The following BDH1 variants were observed in gnomAD, a reference collection of about 807,000 sequenced individuals.
BDH1 encodes D-beta-hydroxybutyrate dehydrogenase, mitochondrial.
A neutral mutation model predicts 33.1 loss-of-function variants in BDH1; 30 were observed. The observed-to-expected ratio is 0.91, with a 90% CI of 0.68 to 1.23. The LOEUF is 1.23. Ranked by LOEUF, BDH1 falls within the 50% of genes most tolerant of loss-of-function variation. The probability of loss-of-function intolerance (pLI) is 0.00; values close to 1 mark genes in which losing one functional copy is unlikely to be tolerated. For missense variants in BDH1, 443 were observed against 464.4 expected (o/e 0.95, Z 0.42); for synonymous variants, 190 against 183.6 (o/e 1.03, Z -0.28).
At chr3:197,557,882 T>C (rs962710924), upstream of BDH1, among the ~76,000 whole-genome samples, 1 of 152,220 alleles carries the variant, frequency 6.6e-6, no homozygotes, top group South Asian at 2.1e-4. This position sits in a 1 kb window ranked among gnomAD's most constrained non-coding sequence, Gnocchi z 4.6. Flanking sequence ...GTTTCACAGA[T>C]AGACTCAAGC....
chr3:197,520,804 A>C lies in BDH1; in HGVS notation c.409+1836T>G, dbSNP rs1250453764. Among the ~76,000 whole-genome samples the C allele has an allele frequency of 6.6e-6, 1 of 152,158 alleles. No homozygotes were observed. The highest frequency in any genetic ancestry group is 1.5e-5 in the Non-Finnish European group (1 of 68,018). On this transcript the variant is annotated intron_variant, in intron 6 of 7. Coordinates refer to ENST00000392379, the MANE Select transcript of BDH1 (RefSeq NM_203314.3). This position sits in a 1 kb window ranked among gnomAD's most constrained non-coding sequence, Gnocchi z 6.0. ...AGCAGGCTGCAGGTTCTGAGCCGGTAATCACCCCAGCGGGACCCATCCTGC... is the reference window on the plus strand; with the variant it reads ...AGCAGGCTGCAGGTTCTGAGCCGGTCATCACCCCAGCGGGACCCATCCTGC...
At chr3:197,545,819 T>C (rs1451188049) in intron 3 of BDH1, among the ~76,000 whole-genome samples, 1 of 152,268 alleles carries the variant, frequency 6.6e-6, no homozygotes, top group Non-Finnish European at 1.5e-5. Context: ...AGTCCAAAGT[T>C]ATTTCAAAAT....
At chr3:197,552,897 G>A (rs1326267928) in intron 2 of BDH1, among the ~76,000 whole-genome samples, 1 of 152,114 alleles carries the variant, frequency 6.6e-6, no homozygotes, top group Non-Finnish European at 1.5e-5. Context: ...GCAGTGCCCT[G>A]CACACAACAG....
upstream of BDH1, among the ~76,000 whole-genome samples, chr3:197,558,891 A>G (rs1272192700): frequency 2.0e-5 from 3 of 152,146 alleles, no homozygotes; most frequent in African/African-American, 7.2e-5. Flanking sequence ...TCTCCATTGT[A>G]TTAGTCAAGC....
intron 6 of BDH1, chr3:197,515,848 G>A (rs1712650459): frequency 7.8e-6 from 3 of 383,192 alleles, no homozygotes; most frequent in Non-Finnish European, 1.1e-5. Flanking sequence ...AGGTTGCAAT[G>A]AGCCGGATCA....
rs1560296787 is a variant in BDH1, at chr3:197,510,674, A to AGTGTGTGTG, written c.*1220_*1221insCACACACAC. The AGTGTGTGTG allele has an allele frequency of 1.3e-4, 5 of 37,292 alleles. No individual in the cohort carries two copies. The highest frequency in any genetic ancestry group is 1.8e-4 in the African/African-American group (2 of 11,116). The allele number at this position is 37,292 out of a possible 1,614,324, so 2.3% of individuals were successfully genotyped here. On this transcript the variant is annotated 3_prime_UTR_variant, in exon 8 of 8. Transcript: ENST00000392379. ...TGTGTGTGTGTGTGTGTGTGTGTAC[A>AGTGTGTGTG]TGTGTGTAAGGTGTGTGTGTGTGTG... is the stretch of plus-strand genomic sequence containing the variant.
intron 1 of BDH1, among the ~76,000 whole-genome samples, chr3:197,567,201 G>T (rs1443147396): frequency 1.3e-5 from 2 of 152,122 alleles, no homozygotes; most frequent in East Asian, 3.9e-4. Flanking sequence ...CTGGGACGAG[G>T]GACTCATTTT....
chr3:197,531,497 A>G (rs1714660498), intron 5 of BDH1, among the ~76,000 whole-genome samples: 1 of 150,160 alleles, frequency 6.7e-6, no homozygotes, highest in Non-Finnish European at 1.5e-5. Flanking sequence ...ACAGAATACC[A>G]CTCAGCAATA....
chr3:197,543,924 G>A (rs1485398891), intron 3 of BDH1, among the ~76,000 whole-genome samples: 1 of 152,158 alleles, frequency 6.6e-6, no homozygotes, highest in African/African-American at 2.4e-5. Context: ...GCATTAACAG[G>A]AGAAAAGATT....
intron 3 of BDH1, chr3:197,546,095 C>A: frequency 3.1e-6 from 1 of 319,980 alleles, no homozygotes; most frequent in South Asian, 6.2e-5. Flanking sequence ...CGAGATCACG[C>A]CACTGCACTC....
intron 1 of BDH1, among the ~76,000 whole-genome samples, chr3:197,568,205 T>C (rs1352757261): frequency 1.3e-5 from 2 of 152,136 alleles, no homozygotes; most frequent in Non-Finnish European, 2.9e-5. Context: ...TGCTGGGCGA[T>C]AGGGAATAAA....
At chr3:197,524,484 A>C (rs1466159592) in intron 5 of BDH1, among the ~76,000 whole-genome samples, 1 of 152,228 alleles carries the variant, frequency 6.6e-6, no homozygotes, top group African/African-American at 2.4e-5. Context: ...CAGAGGGCAC[A>C]GGAGGAAATG....
intron 3 of BDH1, among the ~76,000 whole-genome samples, chr3:197,545,874 T>C (rs1716033239): frequency 6.6e-6 from 1 of 152,232 alleles, no homozygotes; most frequent in Admixed American, 6.5e-5. Flanking sequence ...CAGTGGCTCA[T>C]GCCTGTAAAC....
intron 4 of BDH1, among the ~76,000 whole-genome samples, chr3:197,533,061 G>C (rs1714821159): frequency 6.6e-6 from 1 of 152,144 alleles, no homozygotes; most frequent in Non-Finnish European, 1.5e-5. Context: ...ATTTTTAGTA[G>C]AGATGGGGTT....
Position 197,526,648 on chromosome 3 carries a change from C to T in BDH1, c.268-3867G>A, listed in dbSNP as rs959325669. Among the ~76,000 whole-genome samples, 4 of 152,186 alleles carry T rather than the reference C, an allele frequency of 2.6e-5. No individual in the cohort carries two copies. Among genetic ancestry groups the T allele is most frequent in the African/African-American group, 9.7e-5 (4 of 41,442 alleles). On this transcript the variant is annotated intron_variant, in intron 5 of 7. Coordinates refer to ENST00000392379, the MANE Select transcript of BDH1 (RefSeq NM_203314.3). The surrounding 1 kb of genome is among the most constrained non-coding windows in gnomAD (Gnocchi z 4.7). ...TCCCAGCCAGCTCACTGGATGGTTACCCTTAAGGTGACTCCAAGCAGCTCT... is the reference window on the plus strand; with the variant it reads ...TCCCAGCCAGCTCACTGGATGGTTATCCTTAAGGTGACTCCAAGCAGCTCT...
chr3:197,538,134 G>A (rs538766925), intron 3 of BDH1, among the ~76,000 whole-genome samples: 23 of 152,108 alleles, frequency 1.5e-4, no homozygotes, highest in Non-Finnish European at 2.2e-4. Flanking sequence ...AATATCCAGG[G>A]TTTTTAGTTG....
chr3:197,519,843 G>A (rs751429234), intron 6 of BDH1, among the ~76,000 whole-genome samples: 39 of 152,126 alleles, frequency 2.6e-4, no homozygotes, highest in Admixed American at 9.8e-4. Flanking sequence ...TGCGGGGGTC[G>A]GGGCCGGTGG....
chr3:197,515,912 A>ACGCGCG (rs1220587315), intron 6 of BDH1: 2 of 153,690 alleles, frequency 1.3e-5, no homozygotes, highest in African/African-American at 4.9e-5. Context: ...ACACACACAC[A>ACGCGCG]CACGCGCGCG....
chr3:197,546,602 C>T, intron 2 of BDH1, 116 bp from the exon 3 acceptor site: 2 of 651,470 alleles, frequency 3.1e-6, no homozygotes, highest in Non-Finnish European at 5.4e-6. Context: ...TTCCACCCAG[C>T]TCCAGTCCTG....
Sources: allele counts gnomAD v4.1 joint callset (sites outside exome capture counted in the v4.1 genomes callset), GRCh38; gene constraint gnomAD v4.1.1; non-coding constraint Gnocchi (gnomAD v3.1); transcripts MANE v1.5; gene names NCBI Gene and HGNC (gene_info 2026-07-23, HGNC 2026-07-21).